The following MAGI1 variants were observed in gnomAD, a reference collection of about 807,000 sequenced individuals.
MAGI1 encodes the protein membrane-associated guanylate kinase, WW and PDZ domain-containing protein 1.
A neutral mutation model predicts 139.9 loss-of-function variants in MAGI1; 58 were observed. That is an observed-to-expected ratio of 0.41 (90% CI 0.34 to 0.52). MAGI1 has a LOEUF of 0.52. MAGI1 is among the 20% of genes least tolerant of loss of function. The pLI, the probability that MAGI1 is intolerant of heterozygous loss-of-function variation, is 0.12. For synonymous variants in MAGI1, 812 were observed against 737.9 expected (o/e 1.10, Z -1.63); for missense variants, 1,874 against 1,901.6 (o/e 0.99, Z 0.27).
At chr3:65,868,946 C>T (rs1217551333) in intron 1 of MAGI1, among the ~76,000 whole-genome samples, 1 of 152,100 alleles carries the variant, frequency 6.6e-6, no homozygotes, top group African/African-American at 2.4e-5. Flanking sequence ...TTTTCCTTTG[C>T]CCATAGCCCC....
At chr3:65,677,338 T>C (rs557875666) in intron 1 of MAGI1, among the ~76,000 whole-genome samples, 2 of 152,262 alleles carry the variant, frequency 1.3e-5, no homozygotes, top group South Asian at 4.1e-4. Context: ...AAGGTGGAGA[T>C]GGGAAGACTA....
chr3:65,850,358 C>T (rs2059159357), intron 1 of MAGI1, among the ~76,000 whole-genome samples: 1 of 151,996 alleles, frequency 6.6e-6, no homozygotes, highest in Non-Finnish European at 1.5e-5. Flanking sequence ...CCAGTTTGCC[C>T]GGCGCTTTCT....
intron 8 of MAGI1, among the ~76,000 whole-genome samples, chr3:65,441,139 T>G (rs1948296245): frequency 6.6e-6 from 1 of 152,076 alleles, no homozygotes; most frequent in South Asian, 2.1e-4. Context: ...TTTTGTATTT[T>G]CAGTAGAAAT....
chr3:65,454,526 T>TACA (rs1553646589), intron 5 of MAGI1, among the ~76,000 whole-genome samples: 7,625 of 83,076 alleles, frequency 0.092, 233 homozygotes, highest in Admixed American at 0.12. Flanking sequence ...AAACTGAAAG[T>TACA]ATAATAATAA....
At chr3:65,577,540 G>A (rs1206733544) in intron 2 of MAGI1, among the ~76,000 whole-genome samples, 10 of 152,142 alleles carry the variant, frequency 6.6e-5, no homozygotes, top group South Asian at 6.2e-4. Flanking sequence ...GTGCCTCCTC[G>A]TGTCACCCCA....
intron 1 of MAGI1, chr3:65,844,376 A>G (rs2058912669): frequency 2.9e-6 from 1 of 341,068 alleles, no homozygotes; most frequent in Non-Finnish European, 5.6e-6. Flanking sequence ...AAAGCAGAAC[A>G]GAAAGTTACT....
chr3:65,398,444 G>A (rs1944575384), intron 13 of MAGI1, among the ~76,000 whole-genome samples: 1 of 152,098 alleles, frequency 6.6e-6, no homozygotes, highest in Non-Finnish European at 1.5e-5. Flanking sequence ...AGGCTGCAGT[G>A]AGCTATGACT....
chr3:65,587,414 G>A (rs563412328), intron 2 of MAGI1, among the ~76,000 whole-genome samples: 1 of 151,400 alleles, frequency 6.6e-6, no homozygotes, highest in African/African-American at 2.4e-5. Context: ...GTGGATACTC[G>A]AAGTATGGTG....
intron 14 of MAGI1, chr3:65,387,231 A>T: frequency 6.2e-7 from 1 of 1,611,538 alleles, no homozygotes; most frequent in Non-Finnish European, 8.5e-7. Context: ...ACATAGCTGG[A>T]ATATTAATTT....
chr3:65,606,996 T>C (rs1224389511), intron 2 of MAGI1, among the ~76,000 whole-genome samples: 1 of 152,148 alleles, frequency 6.6e-6, no homozygotes, highest in African/African-American at 2.4e-5. Flanking sequence ...GAAACCCAGA[T>C]ACTGGTCAAC....
intron 1 of MAGI1, among the ~76,000 whole-genome samples, chr3:65,982,865 C>CA (rs1342103545): frequency 3.9e-5 from 6 of 152,142 alleles, no homozygotes; most frequent in African/African-American, 1.4e-4. Context: ...TGGCTTACTT[C>CA]AAAAAATATA....
At chr3:65,586,873 C>T (rs1286856437) in intron 2 of MAGI1, among the ~76,000 whole-genome samples, 1 of 152,016 alleles carries the variant, frequency 6.6e-6, no homozygotes, top group African/African-American at 2.4e-5. Context: ...AGGGAAGCTT[C>T]TGGTATGGGC....
At chr3:65,549,509 C>A in intron 2 of MAGI1, 2 of 984,682 alleles carry the variant, frequency 2.0e-6, no homozygotes, top group Non-Finnish European at 2.4e-6. Context: ...CTGAGCGGCC[C>A]GGCGGCAGCT....
intron 1 of MAGI1, among the ~76,000 whole-genome samples, chr3:65,782,613 CAAAAAAAAAAAAAA>C (rs56367932): frequency 2.1e-4 from 13 of 60,568 alleles, no homozygotes; most frequent in East Asian, 1.2e-3. Flanking sequence ...ATTTCTTAAG[CAAAAAAAAAAAAAA>C]AAAAAAAAAA....
At chr3:65,530,147 C>T (rs182231163) in intron 2 of MAGI1, among the ~76,000 whole-genome samples, 36 of 152,268 alleles carry the variant, frequency 2.4e-4, no homozygotes, top group Admixed American at 1.2e-3. Flanking sequence ...GCAAGATCAA[C>T]GCCATAATCA....
intron 3 of MAGI1, among the ~76,000 whole-genome samples, chr3:65,490,743 C>T (rs1342523574): frequency 6.6e-6 from 1 of 150,452 alleles, no homozygotes; most frequent in African/African-American, 2.5e-5. Flanking sequence ...ACTCAGGAGG[C>T]TGAGGCAGGA....
At chr3:65,660,252 T>C (rs892801073) in intron 1 of MAGI1, among the ~76,000 whole-genome samples, 1 of 152,246 alleles carries the variant, frequency 6.6e-6, no homozygotes, top group Non-Finnish European at 1.5e-5. Context: ...TCATGCACTC[T>C]CTAAGGCACT....
chr3:65,573,317 A>T (rs965595923), intron 2 of MAGI1, among the ~76,000 whole-genome samples: 1 of 152,148 alleles, frequency 6.6e-6, no homozygotes, highest in Non-Finnish European at 1.5e-5. Context: ...AAATTTAACC[A>T]ATCATATTCA....
chr3:65,484,734 C>G (rs994142320), intron 3 of MAGI1, among the ~76,000 whole-genome samples: 1 of 152,114 alleles, frequency 6.6e-6, no homozygotes, highest in Non-Finnish European at 1.5e-5. Flanking sequence ...CTTGCACCCA[C>G]TCCTCCCTCT....
Sources: gnomAD v4.1 joint callset for allele counts (sites outside exome capture counted in the v4.1 genomes callset) on GRCh38, gnomAD v4.1.1 for gene constraint, MANE v1.5 for transcripts, NCBI Gene and HGNC (gene_info 2026-07-23, HGNC 2026-07-21) for gene names.